ADGB: variants seen among roughly 807,000 people sequenced by gnomAD.
The protein encoded by ADGB is androglobin, also known as calpain-7-like protein.
ADGB carries 172 observed loss-of-function variants against 210.5 expected under a neutral mutation model. That is an observed-to-expected ratio of 0.82 (90% confidence interval 0.72 to 0.93). The LOEUF (loss-of-function observed/expected upper bound fraction) is 0.93, where lower values mean the gene tolerates loss of function less well. Ranked by LOEUF, ADGB falls within the 40% of genes least tolerant of loss-of-function variation. ADGB has a pLI of 0.00. For missense variants in ADGB, 2,025 were observed against 1,964.8 expected (o/e 1.03, Z -0.58); for synonymous variants, 658 against 662.7 (o/e 0.99, Z 0.11).
At chr6:146,807,813 G>A in intron 35 of ADGB, 1 of 332,348 alleles carries the variant, frequency 3.0e-6, no homozygotes, top group Non-Finnish European at 5.4e-6. Context: ...TATTTAAAAT[G>A]TAATAAAATA....
chr6:146,794,627 A>G (rs1006222151), intron 33 of ADGB, among the ~76,000 whole-genome samples: 1 of 152,158 alleles, frequency 6.6e-6, no homozygotes, highest in Non-Finnish European at 1.5e-5. Context: ...AAAATTAAAT[A>G]GTTAAGGAAA....
intron 32 of ADGB, among the ~76,000 whole-genome samples, chr6:146,786,639 TCAGAGA>T (rs1219753360): frequency 2.0e-5 from 3 of 152,086 alleles, no homozygotes; most frequent in Non-Finnish European, 4.4e-5. Context: ...AGACCAAAGC[TCAGAGA>T]GCCACCTTAT....
Position 146,663,408 on chromosome 6 carries a change from C to A in ADGB, c.613-793C>A, listed in dbSNP as rs116853812. ...TGCTCCCTGGTTCATAAATGGCTGG[C>A]CATTTTCTTGCCATAAAATTCCATG... On this transcript the variant is annotated intron_variant, in intron 5 of 35. Transcript: ENST00000397944. Among the ~76,000 whole-genome samples the A allele has an allele frequency of 6.6e-5, 10 of 151,544 alleles. No individual in the cohort carries two copies. The East Asian group carries it at 1.8e-3, about 27-fold the overall frequency.
At chr6:146,812,916 C>A (rs1778323508) in intron 35 of ADGB, among the ~76,000 whole-genome samples, 1 of 152,194 alleles carries the variant, frequency 6.6e-6, no homozygotes, top group Non-Finnish European at 1.5e-5. Flanking sequence ...AACAGCTATT[C>A]ATTTGGGAAA....
intron 10 of ADGB, among the ~76,000 whole-genome samples, chr6:146,688,115 G>A (rs114450728): frequency 0.019 from 2,936 of 152,168 alleles, 96 homozygotes; most frequent in African/African-American, 0.065. Flanking sequence ...TGATAAGCAA[G>A]ATTGACAAAG....
chr6:146,697,636 AG>A (rs973678045), intron 12 of ADGB, among the ~76,000 whole-genome samples: 1 of 152,162 alleles, frequency 6.6e-6, no homozygotes, highest in African/African-American at 2.4e-5. Flanking sequence ...GGGAAAAAAA[AG>A]TACAGTTAAG....
chr6:146,666,698 T>A (rs1487026064), intron 6 of ADGB, 118 bp from the exon 7 acceptor site: 1 of 488,406 alleles, frequency 2.0e-6, no homozygotes, highest in East Asian at 3.2e-5. Flanking sequence ...TATTTTTTAA[T>A]ACAGTCTATA....
chr6:146,793,227 T>G (rs1777977896), intron 33 of ADGB, among the ~76,000 whole-genome samples: 1 of 125,236 alleles, frequency 8.0e-6, no homozygotes. Context: ...GAGCACTGAT[T>G]GGTGCGTTTT....
At position 146,615,071 on chromosome 6, in the gene ADGB, T is replaced by C. The variant is rs955772128; in HGVS notation, c.74+15957T>C. On this transcript the variant is annotated intron_variant, in intron 1 of 35. Transcript: ENST00000397944. ...GCCCACCACCACGCCCGGCTAATTT[T>C]TTTTTTTTTGTATTTTTAGTAGAGA... Among the ~76,000 whole-genome samples the C allele has an allele frequency of 4.6e-5, 7 of 151,844 alleles. No homozygotes were observed. In the East Asian group the frequency reaches 5.8e-4, roughly 13 times the overall value.
chr6:146,653,828 T>C (rs1016510141), intron 3 of ADGB, among the ~76,000 whole-genome samples: 2 of 152,176 alleles, frequency 1.3e-5, no homozygotes, highest in Non-Finnish European at 2.9e-5. Context: ...TTAAATTACA[T>C]TTTTATCACC....
intron 11 of ADGB, 135 bp downstream of exon 11, chr6:146,691,425 T>TATATAAAA (rs1776308420): frequency 2.8e-5 from 2 of 71,690 alleles, no homozygotes; most frequent in African/African-American, 2.4e-4. Flanking sequence ...TATATATATA[T>TATATAAAA]ATATATATAT....
intron 33 of ADGB, among the ~76,000 whole-genome samples, chr6:146,797,417 A>G (rs1778061880): frequency 6.6e-6 from 1 of 152,172 alleles, no homozygotes; most frequent in Non-Finnish European, 1.5e-5. Context: ...TAGCAGCACA[A>G]TTTGCAATTG....
chr6:146,694,688 A>G (rs1308458797), intron 12 of ADGB, among the ~76,000 whole-genome samples: 1 of 152,166 alleles, frequency 6.6e-6, no homozygotes, highest in Non-Finnish European at 1.5e-5. Context: ...CCCTATCTAC[A>G]TGAAAAATCT....
chr6:146,782,797 A>G (rs1777821402), intron 30 of ADGB, among the ~76,000 whole-genome samples: 1 of 152,120 alleles, frequency 6.6e-6, no homozygotes, highest in Admixed American at 6.5e-5. Context: ...AATTGCCATG[A>G]TTAGGGGTAA....
chr6:146,775,938 TC>T (rs1359145449), intron 29 of ADGB, among the ~76,000 whole-genome samples: 3 of 152,066 alleles, frequency 2.0e-5, no homozygotes, highest in African/African-American at 7.2e-5. Context: ...ATTTTCAAAT[TC>T]CAACCTGATT....
chr6:146,664,139 A>T, intron 5 of ADGB, 62 bp from the exon 6 acceptor site: 1 of 1,437,182 alleles, frequency 7.0e-7, no homozygotes, highest in Non-Finnish European at 9.3e-7. Context: ...ACGTGCAATC[A>T]TTTACGAGAG....
chr6:146,655,518 A>G (rs1035700406), intron 4 of ADGB, among the ~76,000 whole-genome samples: 5 of 152,266 alleles, frequency 3.3e-5, no homozygotes, highest in East Asian at 3.9e-4. Flanking sequence ...AAGAACTTTT[A>G]AAAATTATTT....
chr6:146,609,137 C>G (rs1304409920), intron 1 of ADGB, among the ~76,000 whole-genome samples: 1 of 151,976 alleles, frequency 6.6e-6, no homozygotes, highest in Non-Finnish European at 1.5e-5. Context: ...TTTTTTGTCC[C>G]TTTCGATCGT....
Position 146,785,005 on chromosome 6 carries a change from C to A in ADGB, c.4212+211C>A, listed in dbSNP as rs912728117. Among the ~76,000 whole-genome samples the A allele has an allele frequency of 2.9e-4, 44 of 152,268 alleles. 1 individual carries two copies. Among genetic ancestry groups the A allele is most frequent in the Middle Eastern group, 3.4e-3 (1 of 294 alleles). ...TGATTACCCAAAGGACTTGCAAAAA[C>A]AAAGCACATGGTGGTACCAATTATA... On this transcript the variant is annotated intron_variant, in intron 31 of 35. Transcript: ENST00000397944.
Sources: gnomAD v4.1 joint callset for allele counts (sites outside exome capture counted in the v4.1 genomes callset) on GRCh38, gnomAD v4.1.1 for gene constraint, MANE v1.5 for transcripts, NCBI Gene and HGNC (gene_info 2026-07-23, HGNC 2026-07-21) for gene names.